The following DST variants were observed in gnomAD, a reference collection of about 807,000 sequenced individuals.
DST encodes bullous pemphigoid antigen.
Under a neutral mutation model 875.2 loss-of-function variants are expected in DST, and 253 were observed. The ratio of observed to expected loss-of-function variants is 0.29; its 90% CI spans 0.26 to 0.32. The LOEUF is 0.32. Ranked by LOEUF, DST falls within the 10% of genes least tolerant of loss-of-function variation. The pLI is 1.00. For synonymous variants in DST, 3,124 were observed against 3,197.1 expected, an observed-to-expected ratio of 0.98 and a Z score of 0.77; for missense variants, 8,287 against 9,111.6, an observed-to-expected ratio of 0.91 and a Z score of 3.68.
chr6:56,685,992 G>A (rs1298866193), intron 9 of DST, among the ~76,000 whole-genome samples: 2 of 152,118 alleles, frequency 1.3e-5, no homozygotes, highest in Non-Finnish European at 2.9e-5. Context: ...ATCTGCACTC[G>A]TATGTTTATC....
chr6:56,871,829 C>T, intron 3 of DST: 1 of 283,576 alleles, frequency 3.5e-6, no homozygotes, highest in Non-Finnish European at 6.6e-6. Flanking sequence ...CATTAACAAT[C>T]AGGGTAAAGC....
rs1215079388 is a variant in DST, at chr6:56,603,257, T to C, written c.11105A>G (p.Asn3702Ser). The part of the protein sequence containing the change: ...SLKTAFSSLS[N>S]VSSERTKQIM... ...CTGTTTCGTTCTTTCTGAAGACACGTTGCTGAGGGAAGAGAAGGCGGTCTT... is the reference window on the plus strand; with the variant it reads ...CTGTTTCGTTCTTTCTGAAGACACGCTGCTGAGGGAAGAGAAGGCGGTCTT... Residue 3702 changes from asparagine (N) to serine (S), a missense_variant, in exon 42 of 104, where the codon AAC becomes AGC. Transcript: ENST00000680361. 2 of 1,608,800 alleles carry C rather than the reference T, an allele frequency of 1.2e-6. No homozygotes were observed. The highest frequency in any genetic ancestry group is 8.5e-7 in the Non-Finnish European group (1 of 1,177,796).
intron 36 of DST, chr6:56,615,523 A>T (rs1490573274): frequency 6.2e-7 from 1 of 1,614,056 alleles, no homozygotes; most frequent in Admixed American, 1.7e-5. Flanking sequence ...CCCATTAGGA[A>T]GAATAGTAGA....
chr6:56,623,496 CTA>C lies in DST; in HGVS notation c.4929+1032_4929+1033del, dbSNP rs1276805410. 2.6e-5 allele frequency among the ~76,000 whole-genome samples: 4 copies of C among 152,240 alleles called. No homozygotes were observed. The South Asian group carries it at 8.3e-4, about 32-fold the overall frequency. On this transcript the variant is annotated intron_variant, in intron 36 of 103. Coordinates refer to ENST00000680361, the MANE Select transcript of DST (RefSeq NM_001374736.1). The stretch of plus-strand genomic sequence containing the variant: ...GAGGGTTATAAAGTCTTGCAATTAG[CTA>C]TGTTAGTGATTTAGCTGCAGAAAAC...
chr6:56,900,365 A>G, intron 3 of DST, 56 bp downstream of exon 3: 1 of 1,277,156 alleles, frequency 7.8e-7, no homozygotes, highest in South Asian at 1.2e-5. Context: ...TAAAAGAACA[A>G]CCACATGATT....
intron 69 of DST, 124 bp from the exon 70 acceptor site, chr6:56,517,744 C>T: frequency 8.6e-7 from 1 of 1,165,172 alleles, no homozygotes. Flanking sequence ...CTCCTCATGG[C>T]ATCCTAAAAT....
In DST at chr6:56,610,343, C is replaced by T. The variant is rs547089155; in HGVS notation, c.5283+84G>A. ...CTACGTACAAAATTCAAGGTCATTT[C>T]TTTATTATTGACATAGATTTCCAGA... On this transcript the variant is annotated intron_variant, in intron 39 of 103. Coordinates refer to ENST00000680361, the MANE Select transcript of DST (RefSeq NM_001374736.1). 4.1e-5 allele frequency: 44 copies of T among 1,082,818 alleles called. No homozygotes were observed. The African/African-American group carries it at 6.8e-4, about 17-fold the overall frequency. The allele number at this position is 1,082,818 out of a possible 1,614,324, so 67.1% of individuals were successfully genotyped here. A position where few individuals can be genotyped will look rare whatever the true frequency, so the allele number is the denominator to read the frequency against.
At chr6:56,491,530 T>C (rs1004728068) in intron 85 of DST, among the ~76,000 whole-genome samples, 28 of 152,162 alleles carry the variant, frequency 1.8e-4, no homozygotes, top group Non-Finnish European at 2.4e-4. Flanking sequence ...TAGTCTAGAA[T>C]GGAATGTTAA....
chr6:56,665,385 C>T (rs1036434280), intron 10 of DST, among the ~76,000 whole-genome samples: 7 of 152,110 alleles, frequency 4.6e-5, no homozygotes, highest in African/African-American at 1.4e-4. Context: ...TGGCACTATT[C>T]ATTTAGTCAT....
chr6:56,606,207 A>T lies in DST; in HGVS notation c.8421T>A (p.Asp2807Glu). The change falls in exon 40 of 104, where the codon GAT (aspartate) becomes GAA (glutamate). Residue 2807 changes from aspartate (D) to glutamate (E), a missense_variant. By Grantham distance (45) the Asp-to-Glu change is conservative (BLOSUM62 2). Around this residue, in one of 10 missense-constraint regions of DST, gnomAD observed 3,138 missense variants for 3,116.6 expected, o/e 1.01. Transcript: ENST00000680361. Reference sequence around the variant, plus strand: ...CTTCTTCATCAATGCCATCATCATCATCGTCATCCTGATCATTACTGTCAT... The same window carrying T: ...CTTCTTCATCAATGCCATCATCATCTTCGTCATCCTGATCATTACTGTCAT... ...YIYDSNDQDDDDDDGIDEEGG... is the reference protein window; with the variant it reads ...YIYDSNDQDDEDDDGIDEEGG... 6.3e-7 allele frequency: 1 copy of T among 1,575,376 alleles called. No homozygotes were observed. Among genetic ancestry groups the T allele is most frequent in the Non-Finnish European group, 8.6e-7 (1 of 1,158,340 alleles).
intron 36 of DST, chr6:56,615,925 G>T: frequency 1.2e-6 from 2 of 1,614,138 alleles, no homozygotes; most frequent in African/African-American, 2.7e-5. Flanking sequence ...GCAGCTGCTG[G>T]GCAAACCCCT....
chr6:56,799,890 G>GC (rs2099744745), intron 4 of DST, among the ~76,000 whole-genome samples: 2 of 152,182 alleles, frequency 1.3e-5, no homozygotes, highest in East Asian at 3.9e-4. Context: ...CTCCCAACAT[G>GC]CTGGGATTAC....
intron 50 of DST, 81 bp from the exon 51 acceptor site, chr6:56,573,968 T>C: frequency 2.0e-6 from 2 of 986,514 alleles, no homozygotes; most frequent in East Asian, 2.6e-5. Flanking sequence ...AGGTGAATCA[T>C]ACAATTTCCA....
chr6:56,905,957 A>G (rs1305979204), intron 2 of DST, among the ~76,000 whole-genome samples: 1 of 151,960 alleles, frequency 6.6e-6, no homozygotes, highest in Non-Finnish European at 1.5e-5. Context: ...CCTATATTGC[A>G]CTTTCTTTAT....
intron 3 of DST, among the ~76,000 whole-genome samples, chr6:56,888,976 T>G (rs749500502): frequency 5.9e-5 from 9 of 152,198 alleles, no homozygotes; most frequent in Non-Finnish European, 1.0e-4. Flanking sequence ...GAGTGGCCTT[T>G]TCTTGGCCTA....
At chr6:56,700,887 G>GA (rs528257522) in intron 8 of DST, among the ~76,000 whole-genome samples, 135 of 151,246 alleles carry the variant, frequency 8.9e-4, no homozygotes, top group African/African-American at 3.1e-3. Flanking sequence ...ATTTAATAGG[G>GA]AAAAGCATTT....
chr6:56,580,967 T>C (rs888618422), intron 49 of DST, among the ~76,000 whole-genome samples: 1 of 144,676 alleles, frequency 6.9e-6, no homozygotes, highest in African/African-American at 2.6e-5. Flanking sequence ...ACTCCTGGGC[T>C]CAAGCAATCC....
chr6:56,649,711 ACAGAATAAATATTTG>A (rs2098963469), intron 12 of DST, among the ~76,000 whole-genome samples: 2 of 152,242 alleles, frequency 1.3e-5, no homozygotes, highest in African/African-American at 4.8e-5. Context: ...ATGTAGGTAA[ACAGAATAAATATTTG>A]CAGTTTTAAA....
At chr6:56,824,876 G>GGA (rs2099778081) in intron 4 of DST, among the ~76,000 whole-genome samples, 1 of 150,880 alleles carries the variant, frequency 6.6e-6, no homozygotes, top group African/African-American at 2.4e-5. Context: ...GAGGGAGGTG[G>GGA]GGGGGTCAGC....
Sources: allele counts gnomAD v4.1 joint callset (sites outside exome capture counted in the v4.1 genomes callset), GRCh38; gene constraint gnomAD v4.1.1; regional missense constraint gnomAD v4.1.1; transcripts MANE v1.5; gene names NCBI Gene and HGNC (gene_info 2026-07-23, HGNC 2026-07-21).